The following FMN1 variants were observed in gnomAD, a reference collection of about 807,000 sequenced individuals.
FMN1 encodes formin-1.
A neutral mutation model predicts 132.4 loss-of-function variants in FMN1; 110 were observed. That is an observed-to-expected ratio of 0.83 (90% CI 0.71 to 0.97). The LOEUF is 0.97. Ranked by LOEUF, FMN1 falls within the 50% of genes least tolerant of loss-of-function variation. The pLI is 0.00. For missense variants in FMN1, 1,792 were observed against 1,705.3 expected, an observed-to-expected ratio of 1.05 and a Z score of -0.90; for synonymous variants, 722 against 651.7, an observed-to-expected ratio of 1.11 and a Z score of -1.64.
chr15:32,821,272 T>A lies in FMN1; in HGVS notation c.3929-16940A>T, dbSNP rs1286868584. Among the ~76,000 whole-genome samples, 3 of 151,920 alleles carry A rather than the reference T, an allele frequency of 2.0e-5. No individual in the cohort carries two copies. In the East Asian group the frequency reaches 5.8e-4, roughly 29 times the overall value. On this transcript the variant is annotated intron_variant, in intron 17 of 20. Transcript: ENST00000616417. ...CATTCGTGTTTATTTTGATTATGAATATATTTAGATTAATCCTCATATTTA... is the reference window on the plus strand; with the variant it reads ...CATTCGTGTTTATTTTGATTATGAAAATATTTAGATTAATCCTCATATTTA...
chr15:32,819,092 G>A (rs2058136094), intron 17 of FMN1, among the ~76,000 whole-genome samples: 1 of 152,156 alleles, frequency 6.6e-6, no homozygotes, highest in Admixed American at 6.5e-5. Context: ...ATCTGCGAAG[G>A]CAGGCAAGGC....
chr15:32,820,961 C>T (rs2058196987), intron 17 of FMN1, among the ~76,000 whole-genome samples: 1 of 151,896 alleles, frequency 6.6e-6, no homozygotes, highest in Non-Finnish European at 1.5e-5. Context: ...CGTCTACTCC[C>T]AAGGTAATAA....
chr15:32,900,908 C>T (rs1274881935), intron 13 of FMN1, among the ~76,000 whole-genome samples: 1 of 152,070 alleles, frequency 6.6e-6, no homozygotes, highest in African/African-American at 2.4e-5. Flanking sequence ...AATCCCAGCA[C>T]GTTGGGAGGC....
chr15:32,957,025 C>A (rs1385779075), intron 9 of FMN1, among the ~76,000 whole-genome samples: 1 of 152,092 alleles, frequency 6.6e-6, no homozygotes, highest in Admixed American at 6.6e-5. Context: ...ATCTGCTGAA[C>A]CATCACAACC....
intron 7 of FMN1, among the ~76,000 whole-genome samples, chr15:32,995,878 G>A (rs990506670): frequency 6.6e-6 from 1 of 152,154 alleles, no homozygotes; most frequent in African/African-American, 2.4e-5. Context: ...TATTTCCTAG[G>A]AAGAGGCAAT....
At chr15:33,004,506 G>A (rs991620958) in intron 7 of FMN1, among the ~76,000 whole-genome samples, 6 of 152,230 alleles carry the variant, frequency 3.9e-5, no homozygotes, top group Admixed American at 3.9e-4. Flanking sequence ...TCTCACATCA[G>A]TTAGAATGGC....
intron 17 of FMN1, among the ~76,000 whole-genome samples, chr15:32,848,699 G>C (rs943370965): frequency 6.6e-6 from 1 of 152,082 alleles, no homozygotes; most frequent in Non-Finnish European, 1.5e-5. Flanking sequence ...TGTGAAGTGC[G>C]AAGTACTATA....
At chr15:32,805,883 T>C (rs1474564382) in intron 17 of FMN1, among the ~76,000 whole-genome samples, 1 of 152,224 alleles carries the variant, frequency 6.6e-6, no homozygotes, top group Admixed American at 6.5e-5. Flanking sequence ...TTCATAAGGT[T>C]ACTAAGAAAA....
At chr15:33,086,036 G>A (rs2198641) in intron 5 of FMN1, among the ~76,000 whole-genome samples, 2 of 152,024 alleles carry the variant, frequency 1.3e-5, no homozygotes, top group Admixed American at 1.3e-4. Context: ...CGGATCATGA[G>A]GCCAGGAGAT....
chr15:33,156,953 G>A (rs1964694311), intron 3 of FMN1, among the ~76,000 whole-genome samples: 1 of 152,134 alleles, frequency 6.6e-6, no homozygotes, highest in Non-Finnish European at 1.5e-5. Context: ...AGTGTGTGAT[G>A]TTGGGGGAGG....
chr15:33,118,650 G>A (rs534866144), intron 4 of FMN1, among the ~76,000 whole-genome samples: 1 of 152,018 alleles, frequency 6.6e-6, no homozygotes, highest in African/African-American at 2.4e-5. Context: ...TCCTAATAAT[G>A]CTCATATTAA....
chr15:33,077,856 A>G lies in FMN1; in HGVS notation c.2043+10943T>C, dbSNP rs572477847. On this transcript the variant is annotated intron_variant, in intron 5 of 20. Transcript: ENST00000616417. Reference sequence around the variant, plus strand: ...ATGAACAGACACTTCTCAAAAGAAGATATTTATGCAGCCAAAAGACACATG... The same window carrying G: ...ATGAACAGACACTTCTCAAAAGAAGGTATTTATGCAGCCAAAAGACACATG... Among the ~76,000 whole-genome samples the G allele has an allele frequency of 2.0e-5, 3 of 152,274 alleles. No individual in the cohort carries two copies. The South Asian group carries it at 6.2e-4, about 32-fold the overall frequency.
chr15:32,854,675 G>A (rs1191381090), intron 17 of FMN1, among the ~76,000 whole-genome samples: 2 of 152,166 alleles, frequency 1.3e-5, no homozygotes, highest in Admixed American at 1.3e-4. Flanking sequence ...CACTTTGGGA[G>A]GCCGAGGCGG....
rs35970344 is a variant in FMN1 at position 32,792,467 on chromosome 15, C to CAA, written c.4130+6335_4130+6336dup. 2.3e-3 allele frequency among the ~76,000 whole-genome samples: 340 copies of CAA among 148,624 alleles called. 2 individuals are homozygous for CAA. Among genetic ancestry groups the CAA allele is most frequent in the African/African-American group, 8.1e-3 (317 of 39,254 alleles). ...CTCAAAACAAAATAAAACAAACAAACAAAAAAAACCCAAAAAAACTAGCAG... is the reference window on the plus strand; with the variant it reads ...CTCAAAACAAAATAAAACAAACAAACAAAAAAAAAACCCAAAAAAACTAGCAG... On this transcript the variant is annotated intron_variant, in intron 19 of 20. Coordinates refer to ENST00000616417, the MANE Select transcript of FMN1 (RefSeq NM_001277313.2).
chr15:33,019,173 G>A (rs2035269874), intron 6 of FMN1, among the ~76,000 whole-genome samples: 1 of 152,150 alleles, frequency 6.6e-6, no homozygotes, highest in Non-Finnish European at 1.5e-5. Context: ...GGTCTGTTTT[G>A]ACAGGGTGCT....
At chr15:33,089,137 C>T (rs1464612755) in intron 4 of FMN1, among the ~76,000 whole-genome samples, 163 bp from the exon 5 acceptor site, 2 of 152,100 alleles carry the variant, frequency 1.3e-5, no homozygotes, top group Admixed American at 6.6e-5. Context: ...GTATTTCTCC[C>T]GACAATTTCT....
intron 9 of FMN1, among the ~76,000 whole-genome samples, chr15:32,939,067 T>G (rs2061343179): frequency 6.6e-6 from 1 of 152,216 alleles, no homozygotes; most frequent in African/African-American, 2.4e-5. Context: ...CCTCTGCACA[T>G]TAGCCAATCC....
chr15:33,149,335 C>G (rs1964354998), intron 4 of FMN1, among the ~76,000 whole-genome samples: 1 of 152,048 alleles, frequency 6.6e-6, no homozygotes, highest in Admixed American at 6.5e-5. Flanking sequence ...TTTTATAACT[C>G]AAATAGATAC....
chr15:33,043,189 G>C (rs1182728729), intron 6 of FMN1, among the ~76,000 whole-genome samples: 1 of 152,188 alleles, frequency 6.6e-6, no homozygotes, highest in African/African-American at 2.4e-5. Context: ...CCAATCACAG[G>C]ATCACGAAAG....
Sources: gnomAD v4.1 joint callset for allele counts (sites outside exome capture counted in the v4.1 genomes callset) on GRCh38, gnomAD v4.1.1 for gene constraint, MANE v1.5 for transcripts, NCBI Gene and HGNC (gene_info 2026-07-23, HGNC 2026-07-21) for gene names.